The following SHTN1 variants were observed in gnomAD, a reference collection of about 807,000 sequenced individuals.
The protein encoded by SHTN1 is shootin-1.
SHTN1 carries 42 observed loss-of-function variants against 83.1 expected under a neutral mutation model. The ratio of observed to expected loss-of-function variants is 0.51; its 90% CI spans 0.39 to 0.65. The LOEUF (loss-of-function observed/expected upper bound fraction) is 0.65, where lower values mean the gene tolerates loss of function less well. SHTN1 is among the 30% of genes least tolerant of loss of function. The pLI, the probability that SHTN1 is intolerant of heterozygous loss-of-function variation, is 0.00. For synonymous variants in SHTN1, 224 were observed against 247.7 expected (o/e 0.90, Z 0.90); for missense variants, 622 against 737.8 (o/e 0.84, Z 1.82).
chr10:116,888,109 C>T (rs1037146094), intron 16 of SHTN1, among the ~76,000 whole-genome samples: 5 of 152,188 alleles, frequency 3.3e-5, no homozygotes, highest in African/African-American at 1.2e-4. Context: ...CTATGTCTTC[C>T]TTGGAGGTGG....
At chr10:116,896,748 C>T (rs1056046301) in intron 16 of SHTN1, among the ~76,000 whole-genome samples, 4 of 151,736 alleles carry the variant, frequency 2.6e-5, no homozygotes, top group South Asian at 4.2e-4. Flanking sequence ...TTCTCCACCC[C>T]GAAATAAACA....
chr10:117,081,340 T>C (rs1194183313), intron 1 of SHTN1, among the ~76,000 whole-genome samples: 2 of 146,834 alleles, frequency 1.4e-5, no homozygotes, highest in Non-Finnish European at 3.0e-5. Flanking sequence ...ATTACATTTA[T>C]TGATTTGCGT....
At chr10:117,095,698 C>T (rs551167946) in intron 1 of SHTN1, among the ~76,000 whole-genome samples, 56 of 152,212 alleles carry the variant, frequency 3.7e-4, no homozygotes, top group African/African-American at 1.3e-3. Flanking sequence ...TTTTTCCTTA[C>T]ATTTTCCACT....
chr10:116,930,842 A>C (rs2133379752), intron 9 of SHTN1, among the ~76,000 whole-genome samples: 1 of 152,250 alleles, frequency 6.6e-6, no homozygotes, highest in Non-Finnish European at 1.5e-5. Context: ...TTACATTCCC[A>C]CCAGCAGTGT....
At chr10:117,123,500 T>A (rs1853960233) in intron 1 of SHTN1, among the ~76,000 whole-genome samples, 15 of 152,148 alleles carry the variant, frequency 9.9e-5, no homozygotes, top group Admixed American at 9.8e-4. Context: ...AATAATGACA[T>A]AAGTGACCCC....
At chr10:117,000,628 G>A (rs986649969) in intron 1 of SHTN1, among the ~76,000 whole-genome samples, 6 of 152,120 alleles carry the variant, frequency 3.9e-5, no homozygotes, top group African/African-American at 1.4e-4. Flanking sequence ...GAAATGACAT[G>A]GCATTACTAC....
chr10:117,114,033 C>G (rs1377439908), intron 1 of SHTN1, among the ~76,000 whole-genome samples: 1 of 151,856 alleles, frequency 6.6e-6, no homozygotes, highest in African/African-American at 2.4e-5. Context: ...GACGACAGAG[C>G]GAGACTCCGT....
intron 2 of SHTN1, among the ~76,000 whole-genome samples, chr10:117,045,239 G>C (rs1852644813): frequency 6.6e-6 from 1 of 152,180 alleles, no homozygotes; most frequent in Non-Finnish European, 1.5e-5. Flanking sequence ...TGACAAAATT[G>C]TTGAAATCAA....
intron 1 of SHTN1, among the ~76,000 whole-genome samples, chr10:117,084,501 G>A (rs1474374315): frequency 6.6e-6 from 1 of 152,182 alleles, no homozygotes; most frequent in Non-Finnish European, 1.5e-5. Context: ...GTTTGTCTGT[G>A]CCCGCCCCCA....
At chr10:117,082,729 G>T (rs1853289427) in intron 1 of SHTN1, among the ~76,000 whole-genome samples, 1 of 149,754 alleles carries the variant, frequency 6.7e-6, no homozygotes, top group African/African-American at 2.5e-5. Flanking sequence ...CCTGTATTGG[G>T]TGCATATATA....
At chr10:116,929,361 T>C (rs949965303) in intron 10 of SHTN1, among the ~76,000 whole-genome samples, 1 of 152,204 alleles carries the variant, frequency 6.6e-6, no homozygotes, top group African/African-American at 2.4e-5. Flanking sequence ...ATAGATATAT[T>C]GTTGCCCAGT....
chr10:117,114,270 A>C (rs1290408295), intron 1 of SHTN1, among the ~76,000 whole-genome samples: 1 of 152,188 alleles, frequency 6.6e-6, no homozygotes, highest in Non-Finnish European at 1.5e-5. Flanking sequence ...ACCCAAATAG[A>C]ATATCATTAA....
intron 1 of SHTN1, among the ~76,000 whole-genome samples, chr10:117,079,864 G>T (rs77490193): frequency 1.0e-4 from 15 of 145,892 alleles, no homozygotes; most frequent in African/African-American, 3.1e-4. Flanking sequence ...CATGTCCTTC[G>T]CCCACTTTTT....
intron 2 of SHTN1, chr10:116,974,190 C>G (rs1281922839): frequency 1.0e-6 from 1 of 983,474 alleles, no homozygotes; most frequent in Non-Finnish European, 1.2e-6. Flanking sequence ...CACATGTCAT[C>G]AGAACAGAGA....
At chr10:117,003,719 G>A (rs142390078) in intron 1 of SHTN1, among the ~76,000 whole-genome samples, 305 of 152,166 alleles carry the variant, frequency 2.0e-3, no homozygotes, top group African/African-American at 6.7e-3. Flanking sequence ...CAGAGCAGGT[G>A]AGCTGGGCCA....
chr10:116,917,250 C>G (rs1012227268), intron 12 of SHTN1, among the ~76,000 whole-genome samples: 4 of 152,176 alleles, frequency 2.6e-5, no homozygotes, highest in African/African-American at 9.7e-5. Flanking sequence ...GAGATAAAAC[C>G]CAGTCTGCCA....
At chr10:117,010,189 A>G (rs1261892645), upstream of SHTN1, among the ~76,000 whole-genome samples, 1 of 24,900 alleles carries the variant, frequency 4.0e-5, no homozygotes, top group Admixed American at 9.0e-4. Context: ...TAAATTAACG[A>G]AGAAAAAAAA....
Position 116,915,450 on chromosome 10 carries a change from A to C in SHTN1, c.1230T>G (p.Val410=). The part of the protein sequence containing the change: ...EEVTDLKRQA[V]EEMMDRIKKG... Reference sequence around the variant, plus strand: ...TTTTAATTCTATCCATCATCTCTTCAACTGCTTGCCTCTTTAGATCTGTGA... The same window carrying C: ...TTTTAATTCTATCCATCATCTCTTCCACTGCTTGCCTCTTTAGATCTGTGA... Residue 410 remains valine, a synonymous_variant, in exon 13 of 17, where the codon GTT becomes GTG. Coordinates refer to ENST00000355371, the MANE Select transcript of SHTN1 (RefSeq NM_001127211.3). The C allele has an allele frequency of 6.2e-7, 1 of 1,610,544 alleles. No homozygotes were observed. The highest frequency in any genetic ancestry group is 8.5e-7 in the Non-Finnish European group (1 of 1,176,868).
intron 11 of SHTN1, among the ~76,000 whole-genome samples, chr10:116,921,896 G>T (rs1159296986): frequency 6.6e-6 from 1 of 152,134 alleles, no homozygotes; most frequent in Non-Finnish European, 1.5e-5. Flanking sequence ...AAAAGTGTAT[G>T]TTATCAGTAA....
Sources: gnomAD v4.1 joint callset for allele counts (sites outside exome capture counted in the v4.1 genomes callset) on GRCh38, gnomAD v4.1.1 for gene constraint, MANE v1.5 for transcripts, NCBI Gene and HGNC (gene_info 2026-07-23, HGNC 2026-07-21) for gene names.